The following MYRIP variants were observed in gnomAD, a reference collection of about 807,000 sequenced individuals.
MYRIP encodes the protein rab effector MyRIP.
In MYRIP, 49 loss-of-function variants were observed where a neutral mutation model predicts 98.0. The ratio of observed to expected loss-of-function variants is 0.50; its 90% CI spans 0.40 to 0.63. MYRIP has a LOEUF of 0.63. Among genes scored for constraint, MYRIP ranks in the 30% least tolerant of loss-of-function variants. MYRIP has a pLI of 0.00. For synonymous variants in MYRIP, 404 were observed against 409.5 expected (o/e 0.99, Z 0.16); for missense variants, 1,004 against 1,058.2 (o/e 0.95, Z 0.71).
intron 10 of MYRIP, among the ~76,000 whole-genome samples, chr3:40,204,070 TTA>T (rs1396499964): frequency 1.9e-4 from 1 of 5,356 alleles, no homozygotes; most frequent in East Asian, 0.018. Flanking sequence ...ATAATAAATA[TTA>T]TATAATATAT....
At chr3:39,932,368 C>CT (rs11371199) in intron 2 of MYRIP, among the ~76,000 whole-genome samples, 13,790 of 148,920 alleles carry the variant, frequency 0.093, 726 homozygotes, top group African/African-American at 0.15. Flanking sequence ...CAAAATGAGT[C>CT]TTTTTTTTTT....
At chr3:40,128,470 C>T (rs1949567197) in intron 3 of MYRIP, among the ~76,000 whole-genome samples, 1 of 152,210 alleles carries the variant, frequency 6.6e-6, no homozygotes, top group Non-Finnish European at 1.5e-5. Context: ...AACACCCTTC[C>T]CTTAATGACC....
intron 1 of MYRIP, among the ~76,000 whole-genome samples, chr3:39,884,937 C>G (rs1943251819): frequency 8.6e-6 from 1 of 115,850 alleles, no homozygotes; most frequent in Non-Finnish European, 1.7e-5. Flanking sequence ...CCCCACCCCC[C>G]TTCTCCCTCC....
At chr3:40,217,329 C>T (rs1952154357) in intron 11 of MYRIP, among the ~76,000 whole-genome samples, 1 of 152,046 alleles carries the variant, frequency 6.6e-6, no homozygotes, top group African/African-American at 2.4e-5. Context: ...CAAAAATTCT[C>T]AACATATTGG....
intron 3 of MYRIP, among the ~76,000 whole-genome samples, chr3:40,150,369 G>A (rs1387473591): frequency 6.6e-6 from 1 of 152,194 alleles, no homozygotes; most frequent in Non-Finnish European, 1.5e-5. Context: ...GGGATTACAG[G>A]CATGAGCCAC....
At chr3:39,849,159 G>C (rs996073943) in intron 1 of MYRIP, among the ~76,000 whole-genome samples, 13 of 152,244 alleles carry the variant, frequency 8.5e-5, no homozygotes, top group Admixed American at 3.9e-4. Context: ...AAAGGACAAA[G>C]GACCCAAAAT....
chr3:40,031,652 G>C (rs1947263602), intron 2 of MYRIP, among the ~76,000 whole-genome samples: 2 of 152,166 alleles, frequency 1.3e-5, no homozygotes, highest in African/African-American at 2.4e-5. Flanking sequence ...TGAGAGAAAT[G>C]AAGTCTCCCA....
At chr3:39,989,970 C>T (rs558821707) in intron 2 of MYRIP, among the ~76,000 whole-genome samples, 3 of 152,202 alleles carry the variant, frequency 2.0e-5, no homozygotes, top group Non-Finnish European at 4.4e-5. Context: ...GGCTGTCACC[C>T]GTCCCCCAAG....
chr3:40,147,896 C>G (rs1399667680), intron 3 of MYRIP, among the ~76,000 whole-genome samples: 1 of 152,208 alleles, frequency 6.6e-6, no homozygotes, highest in Non-Finnish European at 1.5e-5. Flanking sequence ...TCATTGTACT[C>G]CTGGGACAGT....
intron 3 of MYRIP, among the ~76,000 whole-genome samples, chr3:40,108,685 A>C (rs1197166829): frequency 6.6e-6 from 1 of 152,194 alleles, no homozygotes; most frequent in Non-Finnish European, 1.5e-5. Flanking sequence ...CAACCCTTTG[A>C]CTGGGGAGAG....
intron 16 of MYRIP, among the ~76,000 whole-genome samples, chr3:40,256,201 A>AAAGTT (rs1467585524): frequency 6.6e-6 from 1 of 152,212 alleles, no homozygotes; most frequent in African/African-American, 2.4e-5. Context: ...AATCAGAACA[A>AAAGTT]AAGTTAAAAA....
chr3:40,001,284 G>A (rs1458349401), intron 2 of MYRIP, among the ~76,000 whole-genome samples: 1 of 152,170 alleles, frequency 6.6e-6, no homozygotes, highest in Non-Finnish European at 1.5e-5. Flanking sequence ...TTGCAAATGG[G>A]AAAGTGTGTG....
chr3:39,863,605 T>C (rs1489533151), intron 1 of MYRIP, among the ~76,000 whole-genome samples: 4 of 152,162 alleles, frequency 2.6e-5, no homozygotes. Context: ...CCTCCCAAGA[T>C]TGAACCAGGA....
intron 11 of MYRIP, among the ~76,000 whole-genome samples, chr3:40,225,418 G>A (rs538203053): frequency 2.8e-4 from 43 of 152,292 alleles, no homozygotes; most frequent in South Asian, 1.2e-3. Flanking sequence ...ACTCCCTGTC[G>A]TTAGACTCCT....
chr3:39,954,023 G>T (rs1353481812), intron 2 of MYRIP, among the ~76,000 whole-genome samples: 1 of 152,126 alleles, frequency 6.6e-6, no homozygotes, highest in Non-Finnish European at 1.5e-5. Context: ...AGACTGAACT[G>T]GGTGGAGCCC....
At chr3:39,963,664 A>C (rs1042686708) in intron 2 of MYRIP, among the ~76,000 whole-genome samples, 1 of 152,168 alleles carries the variant, frequency 6.6e-6, no homozygotes, top group Non-Finnish European at 1.5e-5. Flanking sequence ...TGAGTTAAAG[A>C]TGCCAGAAAG....
intron 8 of MYRIP, among the ~76,000 whole-genome samples, chr3:40,176,562 C>G (rs1226555432): frequency 6.6e-6 from 1 of 152,098 alleles, no homozygotes; most frequent in Non-Finnish European, 1.5e-5. Context: ...CCAGCCTAGG[C>G]AATACAGTGA....
chr3:40,182,720 G>A (rs1045372912), intron 9 of MYRIP, among the ~76,000 whole-genome samples: 6 of 152,134 alleles, frequency 3.9e-5, no homozygotes, highest in African/African-American at 9.7e-5. Context: ...TGTTCTATGT[G>A]GACTAGGAGA....
chr3:40,086,382 C>T (rs11919317), intron 3 of MYRIP, among the ~76,000 whole-genome samples: 3,579 of 152,278 alleles, frequency 0.024, 91 homozygotes, highest in African/African-American at 0.06. Context: ...AATGAACTTG[C>T]TTTTCCCTCT....
Sources: allele counts gnomAD v4.1 joint callset (sites outside exome capture counted in the v4.1 genomes callset), GRCh38; gene constraint gnomAD v4.1.1; transcripts MANE v1.5; gene names NCBI Gene and HGNC (gene_info 2026-07-23, HGNC 2026-07-21).